The following CEP43 variants were observed in gnomAD, a reference collection of about 807,000 sequenced individuals.
CEP43 encodes FGFR1 oncogene partner.
Under a neutral mutation model 52.6 loss-of-function variants are expected in CEP43, and 36 were observed. That is an observed-to-expected ratio of 0.68 (90% CI 0.52 to 0.90). The LOEUF is 0.90. CEP43 is among the 40% of genes least tolerant of loss of function. The probability of loss-of-function intolerance (pLI) is 0.00; values close to 1 mark genes in which losing one functional copy is unlikely to be tolerated. For missense variants in CEP43, 506 were observed against 472.8 expected, an observed-to-expected ratio of 1.07 and a Z score of -0.65; for synonymous variants, 192 against 172.4, an observed-to-expected ratio of 1.11 and a Z score of -0.89.
chr6:167,007,339 A>T (rs74938146), intron 5 of CEP43, among the ~76,000 whole-genome samples: 2,337 of 152,202 alleles, frequency 0.015, 49 homozygotes, highest in African/African-American at 0.053. Flanking sequence ...GTTTGCCCTG[A>T]CTTTTTCATA....
At chr6:167,001,037 T>G (rs1174958115) in intron 2 of CEP43, among the ~76,000 whole-genome samples, 2 of 152,248 alleles carry the variant, frequency 1.3e-5, no homozygotes, top group African/African-American at 2.4e-5. Flanking sequence ...AGCTGTGCAG[T>G]AGCCTTCTAT....
intron 12 of CEP43, among the ~76,000 whole-genome samples, chr6:167,035,532 AC>A (rs1198734363): frequency 6.6e-6 from 1 of 150,636 alleles, no homozygotes; most frequent in African/African-American, 2.4e-5. Context: ...GCTGCTACTT[AC>A]CACTCACAAA....
intron 12 of CEP43, among the ~76,000 whole-genome samples, chr6:167,035,802 C>T (rs1378812868): frequency 1.3e-5 from 2 of 152,034 alleles, no homozygotes; most frequent in Non-Finnish European, 2.9e-5. Context: ...CTCCTGACCT[C>T]GTGCTCTGCC....
Position 167,045,707 on chromosome 6 carries a change from C to G in CEP43, c.*5729C>G, listed in dbSNP as rs1212580001. On this transcript the variant is annotated 3_prime_UTR_variant, in exon 13 of 13. Transcript: ENST00000366847. ...CCCAGATCACGCCCCTGCACTCCAGCCTGGGTGACAGAGCGAGACTCCGTC... is the reference window on the plus strand; with the variant it reads ...CCCAGATCACGCCCCTGCACTCCAGGCTGGGTGACAGAGCGAGACTCCGTC... The G allele has an allele frequency of 3.3e-5, 5 of 152,318 alleles. No homozygotes were observed. The highest frequency in any genetic ancestry group is 1.2e-4 in the African/African-American group (5 of 41,440). The allele number at this position is 152,318 out of a possible 1,614,324, so 9.4% of individuals were successfully genotyped here.
In CEP43 at chr6:167,046,625, G is replaced by T. The variant is rs1223920830; in HGVS notation, c.*6647G>T. 2 of 152,274 alleles carry T rather than the reference G, an allele frequency of 1.3e-5. No homozygotes were observed. Among genetic ancestry groups the T allele is most frequent in the Non-Finnish European group, 2.9e-5 (2 of 68,082 alleles). The allele number at this position is 152,274 out of a possible 1,614,324, so 9.4% of individuals were successfully genotyped here. A position where few individuals can be genotyped will look rare whatever the true frequency, so the allele number is the denominator to read the frequency against. ...CACTCCACCTGCAGATGCAGAGGTGGCCCCATCCTGTGATGTGCCACCACA... is the reference window on the plus strand; with the variant it reads ...CACTCCACCTGCAGATGCAGAGGTGTCCCCATCCTGTGATGTGCCACCACA... On this transcript the variant is annotated 3_prime_UTR_variant, in exon 13 of 13. Transcript: ENST00000366847.
rs1434518598 is a variant in CEP43 at position 167,047,698 on chromosome 6, C to T, written c.*7720C>T. 2.0e-5 allele frequency: 3 copies of T among 152,176 alleles called. No individual in the cohort carries two copies. Among genetic ancestry groups the T allele is most frequent in the African/African-American group, 7.2e-5 (3 of 41,432 alleles). The allele number at this position is 152,176 out of a possible 1,614,324, so 9.4% of individuals were successfully genotyped here. A position where few individuals can be genotyped will look rare whatever the true frequency, so the allele number is the denominator to read the frequency against. ...CCTAATTCAGATGTCACTTCCTCCTCAAAGCTCTCGCCCCGCGCCGAGCTA... is the reference window on the plus strand; with the variant it reads ...CCTAATTCAGATGTCACTTCCTCCTTAAAGCTCTCGCCCCGCGCCGAGCTA... On this transcript the variant is annotated 3_prime_UTR_variant, in exon 13 of 13. Coordinates refer to ENST00000366847, the MANE Select transcript of CEP43 (RefSeq NM_007045.4).
At chr6:167,023,963 C>T (rs562757228) in intron 8 of CEP43, among the ~76,000 whole-genome samples, 3 of 152,150 alleles carry the variant, frequency 2.0e-5, no homozygotes, top group South Asian at 4.1e-4. Flanking sequence ...GCTGGAGGGG[C>T]AGGATTTAGG....
Position 167,041,571 on chromosome 6 carries a change from A to G in CEP43, c.*1593A>G, listed in dbSNP as rs1036398697. The G allele has an allele frequency of 9.5e-7, 1 of 1,049,262 alleles. No individual in the cohort carries two copies. Among genetic ancestry groups the G allele is most frequent in the Non-Finnish European group, 1.2e-6 (1 of 869,156 alleles). The allele number at this position is 1,049,262 out of a possible 1,614,324, so 65.0% of individuals were successfully genotyped here. A position where few individuals can be genotyped will look rare whatever the true frequency, so the allele number is the denominator to read the frequency against. ...TAAACAGTCACTTTCTAAAAGCACT[A>G]TAGTTCTGGTCCCCTGGAATCTGGA... On this transcript the variant is annotated 3_prime_UTR_variant, in exon 13 of 13. Transcript: ENST00000366847.
chr6:167,030,938 C>CT (rs1780457202), intron 10 of CEP43, among the ~76,000 whole-genome samples: 1 of 151,860 alleles, frequency 6.6e-6, no homozygotes, highest in Non-Finnish European at 1.5e-5. Context: ...AATGATCCGG[C>CT]TTCTGCCAAC....
At chr6:167,014,201 A>G (rs979290968) in intron 7 of CEP43, among the ~76,000 whole-genome samples, 4 of 152,246 alleles carry the variant, frequency 2.6e-5, no homozygotes, top group Admixed American at 2.0e-4. Flanking sequence ...TAGAACATCA[A>G]ACTATTTTTT....
chr6:166,999,848 G>C (rs374633284), intron 1 of CEP43: 2 of 572,042 alleles, frequency 3.5e-6, no homozygotes, highest in Non-Finnish European at 6.2e-6. Flanking sequence ...CCTCAGGCTC[G>C]GGCATGATCC....
At chr6:167,027,012 A>G (rs1423785627) in intron 10 of CEP43, among the ~76,000 whole-genome samples, 1 of 152,250 alleles carries the variant, frequency 6.6e-6, no homozygotes, top group African/African-American at 2.4e-5. Context: ...ATGGTTAAGT[A>G]CATGTATAAG....
intron 9 of CEP43, among the ~76,000 whole-genome samples, chr6:167,025,711 A>G (rs1164338430): frequency 6.6e-6 from 1 of 152,196 alleles, no homozygotes; most frequent in East Asian, 1.9e-4. Context: ...CCAGCCATGT[A>G]TTTATAATGT....
At chr6:167,029,201 T>A (rs1191854341) in intron 10 of CEP43, among the ~76,000 whole-genome samples, 1 of 152,150 alleles carries the variant, frequency 6.6e-6, no homozygotes, top group East Asian at 1.9e-4. Flanking sequence ...TGTCAGGAAG[T>A]CCGGGCCAAA....
At chr6:167,027,817 C>T in intron 10 of CEP43, 1 of 945,126 alleles carries the variant, frequency 1.1e-6, no homozygotes, top group Non-Finnish European at 1.3e-6. Context: ...ATGGTAGGTG[C>T]CTAGTAAATG....
intron 7 of CEP43, among the ~76,000 whole-genome samples, chr6:167,022,013 TTAAGA>T (rs1453774525): frequency 6.6e-6 from 1 of 152,144 alleles, no homozygotes; most frequent in African/African-American, 2.4e-5. Context: ...ATGTATTAAT[TTAAGA>T]TAACTTATGA....
chr6:167,022,906 G>A (rs935607155), intron 8 of CEP43, among the ~76,000 whole-genome samples: 1 of 152,080 alleles, frequency 6.6e-6, no homozygotes, highest in African/African-American at 2.4e-5. Flanking sequence ...ATAGAAGAGG[G>A]AAGACTCCTG....
At position 167,040,618 on chromosome 6, in the gene CEP43, T is replaced by G. The variant is rs1169195887; in HGVS notation, c.*640T>G. Reference sequence around the variant, plus strand: ...TTTTAAAGAAATCTAGAAGTGGTTATGAGTTTTAATTCATAGAATTGTCAA... The same window carrying G: ...TTTTAAAGAAATCTAGAAGTGGTTAGGAGTTTTAATTCATAGAATTGTCAA... On this transcript the variant is annotated 3_prime_UTR_variant, in exon 13 of 13. Transcript: ENST00000366847. 9.6e-7 allele frequency: 1 copy of G among 1,037,862 alleles called. No individual in the cohort carries two copies. The highest frequency in any genetic ancestry group is 1.2e-6 in the Non-Finnish European group (1 of 859,494). 64.3% of individuals were successfully genotyped at this position (1,037,862 alleles called of 1,614,324 possible). A position where few individuals can be genotyped will look rare whatever the true frequency, so the allele number is the denominator to read the frequency against.
At position 167,040,740 on chromosome 6, in the gene CEP43, C is replaced by G; in HGVS notation, c.*762C>G. ...TATAATTTATTATCTGTAAAGATTC[C>G]TTGAAACTTAAATGCATCTGAAACC... On this transcript the variant is annotated 3_prime_UTR_variant, in exon 13 of 13. Coordinates refer to ENST00000366847, the MANE Select transcript of CEP43 (RefSeq NM_007045.4). The G allele has an allele frequency of 4.8e-6, 3 of 628,006 alleles. No individual in the cohort carries two copies. Among genetic ancestry groups the G allele is most frequent in the South Asian group, 6.4e-5 (1 of 15,728 alleles). 38.9% of individuals were successfully genotyped at this position (628,006 alleles called of 1,614,324 possible).
Sources: gnomAD v4.1 joint callset for allele counts (sites outside exome capture counted in the v4.1 genomes callset) on GRCh38, gnomAD v4.1.1 for gene constraint, MANE v1.5 for transcripts, NCBI Gene and HGNC (gene_info 2026-07-23, HGNC 2026-07-21) for gene names.